The following CTNNA3 variants were observed in gnomAD, a reference collection of about 807,000 sequenced individuals.
CTNNA3 encodes catenin alpha-3.
A neutral mutation model predicts 95.7 loss-of-function variants in CTNNA3; 76 were observed. The ratio of observed to expected loss-of-function variants is 0.79; its 90% CI spans 0.66 to 0.96. The LOEUF (loss-of-function observed/expected upper bound fraction) is 0.96. CTNNA3 is among the 40% of genes least tolerant of loss of function. The pLI is 0.00. For missense variants in CTNNA3, 1,191 were observed against 1,089.8 expected, an observed-to-expected ratio of 1.09 and a Z score of -1.31; for synonymous variants, 431 against 374.4, an observed-to-expected ratio of 1.15 and a Z score of -1.74.
chr10:66,467,928 T>C (rs1838982998), intron 11 of CTNNA3, among the ~76,000 whole-genome samples: 1 of 151,872 alleles, frequency 6.6e-6, no homozygotes, highest in South Asian at 2.1e-4. Context: ...ACATATTTTC[T>C]TTTTTTTCCC....
intron 10 of CTNNA3, among the ~76,000 whole-genome samples, chr10:66,530,843 T>C (rs2132048533): frequency 6.6e-6 from 1 of 152,272 alleles, no homozygotes; most frequent in African/African-American, 2.4e-5. Context: ...TATCCTATTC[T>C]AGGGGTTAAA....
chr10:66,088,517 G>GTT (rs750095208), intron 14 of CTNNA3, among the ~76,000 whole-genome samples: 2,789 of 151,202 alleles, frequency 0.018, 43 homozygotes, highest in Non-Finnish European at 0.029. Flanking sequence ...GTGTGTGTGT[G>GTT]TGTGTGTGTG....
At chr10:67,644,516 A>G (rs1486379057) in intron 2 of CTNNA3, among the ~76,000 whole-genome samples, 1 of 152,072 alleles carries the variant, frequency 6.6e-6, no homozygotes, top group East Asian at 1.9e-4. Flanking sequence ...CTTTAATATA[A>G]TTTAATGAGA....
At chr10:66,201,266 T>G (rs1054110728) in intron 13 of CTNNA3, among the ~76,000 whole-genome samples, 3 of 152,180 alleles carry the variant, frequency 2.0e-5, no homozygotes, top group Non-Finnish European at 4.4e-5. Flanking sequence ...TCCTAAGGAT[T>G]TTTTTCCCTC....
At chr10:66,214,442 G>A (rs929338133) in intron 13 of CTNNA3, among the ~76,000 whole-genome samples, 9 of 151,998 alleles carry the variant, frequency 5.9e-5, no homozygotes, top group South Asian at 2.1e-4. Flanking sequence ...ATATTGAATC[G>A]TATTGTCATA....
intron 7 of CTNNA3, among the ~76,000 whole-genome samples, chr10:66,980,858 T>C (rs1475254289): frequency 3.3e-5 from 5 of 152,162 alleles, no homozygotes; most frequent in Non-Finnish European, 5.9e-5. Flanking sequence ...AACTTTCTTC[T>C]CACACATTGA....
At chr10:66,359,970 G>A (rs2092640884) in intron 12 of CTNNA3, among the ~76,000 whole-genome samples, 1 of 151,902 alleles carries the variant, frequency 6.6e-6, no homozygotes, top group Non-Finnish European at 1.5e-5. Flanking sequence ...GGGATTACAG[G>A]TGCATGCCAC....
intron 9 of CTNNA3, among the ~76,000 whole-genome samples, chr10:66,749,400 A>G (rs75048130): frequency 0.011 from 1,731 of 151,974 alleles, 30 homozygotes; most frequent in African/African-American, 0.038. Flanking sequence ...CCTGGCAACC[A>G]CTAATCTTTT....
intron 15 of CTNNA3, among the ~76,000 whole-genome samples, chr10:66,018,280 T>C (rs948299704): frequency 5.3e-5 from 8 of 151,610 alleles, no homozygotes; most frequent in Admixed American, 5.3e-4. Flanking sequence ...TCACTAATTA[T>C]GAATCAGGAG....
intron 1 of CTNNA3, among the ~76,000 whole-genome samples, chr10:67,706,257 G>C (rs1047555933): frequency 1.3e-5 from 2 of 152,150 alleles, no homozygotes; most frequent in African/African-American, 4.8e-5. Context: ...CCTGGTGGGA[G>C]AGAGTTGGGC....
At chr10:66,957,970 T>C (rs569756694) in intron 7 of CTNNA3, among the ~76,000 whole-genome samples, 1 of 151,976 alleles carries the variant, frequency 6.6e-6, no homozygotes, top group South Asian at 2.1e-4. Context: ...AAGCATTTCA[T>C]AAAGGTGAGC....
chr10:66,721,308 A>C (rs1262117992), intron 9 of CTNNA3, among the ~76,000 whole-genome samples: 1 of 152,198 alleles, frequency 6.6e-6, no homozygotes, highest in East Asian at 1.9e-4. Context: ...TGCACCCCAG[A>C]AGGTGTGCAA....
intron 15 of CTNNA3, among the ~76,000 whole-genome samples, chr10:66,008,990 C>T (rs572039775): frequency 6.6e-6 from 1 of 152,124 alleles, no homozygotes; most frequent in Admixed American, 6.5e-5. Flanking sequence ...ATCCCAGCTA[C>T]TCAGGAGGCT....
intron 7 of CTNNA3, chr10:67,176,904 G>C (rs1280213480): frequency 2.0e-6 from 1 of 496,900 alleles, no homozygotes; most frequent in African/African-American, 1.9e-5. Context: ...CTCTTCCCTA[G>C]AGACTCCAGA....
At chr10:66,282,786 A>C (rs1047446388) in intron 12 of CTNNA3, among the ~76,000 whole-genome samples, 2 of 152,018 alleles carry the variant, frequency 1.3e-5, no homozygotes, top group East Asian at 1.9e-4. Flanking sequence ...CATCATGTTA[A>C]TACAGTGTTT....
intron 11 of CTNNA3, among the ~76,000 whole-genome samples, chr10:66,513,950 G>T (rs1840750435): frequency 6.6e-6 from 1 of 151,814 alleles, no homozygotes; most frequent in Non-Finnish European, 1.5e-5. Flanking sequence ...TTCTGGGATG[G>T]TGTCGGGGGA....
chr10:67,683,100 A>G (rs895100463), intron 1 of CTNNA3, among the ~76,000 whole-genome samples: 6 of 152,364 alleles, frequency 3.9e-5, no homozygotes, highest in African/African-American at 1.4e-4. Context: ...AGTGTCTATC[A>G]CAGACTATTT....
intron 9 of CTNNA3, among the ~76,000 whole-genome samples, chr10:66,651,536 G>C (rs116754442): frequency 0.06 from 9,170 of 152,048 alleles, 961 homozygotes; most frequent in African/African-American, 0.21. Flanking sequence ...GGGGAGGCTC[G>C]GGCCTTGCGT....
chr10:65,959,097 C>T (rs2077789588), intron 17 of CTNNA3, among the ~76,000 whole-genome samples: 1 of 152,202 alleles, frequency 6.6e-6, no homozygotes, highest in African/African-American at 2.4e-5. Flanking sequence ...CAATGGCAGA[C>T]GCCCCTCCCA....
Sources: allele counts gnomAD v4.1 joint callset (sites outside exome capture counted in the v4.1 genomes callset), GRCh38; gene constraint gnomAD v4.1.1; transcripts MANE v1.5; gene names NCBI Gene and HGNC (gene_info 2026-07-23, HGNC 2026-07-21).